The following RHBDL1 variants were observed in gnomAD, a reference collection of about 807,000 sequenced individuals.
RHBDL1 encodes the protein rhomboid-related protein 1.
In RHBDL1, 21 loss-of-function variants were observed where a neutral mutation model predicts 34.0. The ratio of observed to expected loss-of-function variants is 0.62; its 90% CI spans 0.44 to 0.89. RHBDL1 has a LOEUF of 0.89. Among genes scored for constraint, RHBDL1 ranks in the 40% least tolerant of loss-of-function variants. The pLI, the probability that RHBDL1 is intolerant of heterozygous loss-of-function variation, is 0.00. For synonymous variants in RHBDL1, 268 were observed against 234.8 expected, an observed-to-expected ratio of 1.14 and a Z score of -1.29; for missense variants, 450 against 530.6, an observed-to-expected ratio of 0.85 and a Z score of 1.49.
At position 677,954 on chromosome 16, in the gene RHBDL1, G is replaced by A. The variant is rs2039581546; in HGVS notation, c.1024G>A (p.Val342Met). The A allele has an allele frequency of 6.9e-6, 11 of 1,603,282 alleles. No homozygotes were observed. Among genetic ancestry groups the A allele is most frequent in the Admixed American group, 3.3e-5 (2 of 59,958 alleles). Residue 342 changes from valine to methionine, a missense_variant, in exon 8 of 8, where the codon GTG becomes ATG. By Grantham distance (21) the Val-to-Met change is conservative. Transcript: ENST00000352681. ...CCTGCGGGACCAGTGCGGCTGGTGG[G>A]TGGTGCTGCTGGCCTACGGCACCTT... Reference protein sequence around the residue: ...ERLRDQCGWWVVLLAYGTFLL... With the variant: ...ERLRDQCGWWMVLLAYGTFLL...
rs769059358 is a variant in RHBDL1 at position 676,736 on chromosome 16, G to C, written c.266G>C (p.Arg89Pro). The C allele has an allele frequency of 6.2e-7, 1 of 1,612,160 alleles. No individual in the cohort carries two copies. The highest frequency in any genetic ancestry group is 8.5e-7 in the Non-Finnish European group (1 of 1,179,866). Residue 89 changes from arginine (R) to proline (P), a missense_variant, in exon 3 of 8, where the codon CGG becomes CCG. Physicochemically the swap from Arg to Pro is moderately radical, Grantham distance 103. Transcript: ENST00000352681. The surrounding 1 kb of genome is among the most constrained non-coding windows in gnomAD (Gnocchi z 6.9). ...GCTAACGGACAGCGGGCACTGCCCC[G>C]GGACGGGCCGCTGGATGAGCCAGGC... ...AIANGQRALP[R>P]DGPLDEPGLG... is the part of the protein sequence containing the mutation.
rs372611788 is a variant in RHBDL1, at chr16:677,920, C to T, written c.990C>T (p.Tyr330=). Residue 330 remains tyrosine, a synonymous_variant, in exon 8 of 8, where the codon TAC becomes TAT. Coordinates refer to ENST00000352681, the MANE Select transcript of RHBDL1 (RefSeq NM_001278720.2). The part of the protein sequence containing the change: ...VSMGLTILRS[Y]EERLRDQCGW... ...TGGGCCTGACCATCCTGCGGAGCTACGAGGAGCGCCTGCGGGACCAGTGCG... is the reference window on the plus strand; with the variant it reads ...TGGGCCTGACCATCCTGCGGAGCTATGAGGAGCGCCTGCGGGACCAGTGCG... 1.9e-4 allele frequency: 304 copies of T among 1,603,466 alleles called. 2 individuals are homozygous for T. Among genetic ancestry groups the T allele is most frequent in the East Asian group, 2.7e-4 (12 of 44,828 alleles).
chr16:678,100 G>A lies in RHBDL1; in HGVS notation c.*48G>A, dbSNP rs377162070. ...GCCAGGGCTCGGGCATGTGGTGGCC[G>A]CCCACCAGGGGCCTTCACGTCTGCC... On this transcript the variant is annotated 3_prime_UTR_variant, in exon 8 of 8. Coordinates refer to ENST00000352681, the MANE Select transcript of RHBDL1 (RefSeq NM_001278720.2). The A allele has an allele frequency of 1.1e-4, 170 of 1,490,270 alleles. No individual in the cohort carries two copies. The highest frequency in any genetic ancestry group is 2.4e-4 in the South Asian group (18 of 74,628). 92.3% of individuals were successfully genotyped at this position (1,490,270 alleles called of 1,614,324 possible). A position where few individuals can be genotyped will look rare whatever the true frequency, so the allele number is the denominator to read the frequency against.
chr16:676,840 T>A lies in RHBDL1; in HGVS notation c.370T>A (p.Tyr124Asn), dbSNP rs1448973839. ...TGAGGTGGACCGCCGCTGGTACTTC[T>A]ACCGTCACCGCAGCTGCCCACCCCC... ...PCEVDRRWYF[Y>N]RHRSCPPPVF... The change falls in exon 3 of 8, where the codon TAC (tyrosine) becomes AAC (asparagine). Residue 124 changes from tyrosine (Y) to asparagine (N), a missense_variant. Tyr to Asn is a moderately radical substitution (Grantham distance 143). Coordinates refer to ENST00000352681, the MANE Select transcript of RHBDL1 (RefSeq NM_001278720.2). The surrounding 1 kb of genome is among the most constrained non-coding windows in gnomAD (Gnocchi z 6.9). 2 of 1,611,424 alleles carry A rather than the reference T, an allele frequency of 1.2e-6. No homozygotes were observed. Among genetic ancestry groups the A allele is most frequent in the Non-Finnish European group, 1.7e-6 (2 of 1,179,666 alleles).
Position 676,226 on chromosome 16 carries a change from C to T in RHBDL1, c.40-110C>T, listed in dbSNP as rs1596543364. 5.2e-6 allele frequency: 8 copies of T among 1,547,922 alleles called. No homozygotes were observed. In the South Asian group the frequency reaches 8.3e-5, roughly 16 times the overall value. ...GAACAGACAGGCACGGGGCCCCTGT[C>T]CCAAAAGTGCTGGGAGCCTGAGCCT... On this transcript the variant is annotated intron_variant, in intron 1 of 7. Transcript: ENST00000352681. The surrounding 1 kb of genome is among the most constrained non-coding windows in gnomAD (Gnocchi z 6.9).
chr16:676,918 C>G lies in RHBDL1; in HGVS notation c.426+22C>G. 1 of 1,611,598 alleles carries G rather than the reference C, an allele frequency of 6.2e-7. No individual in the cohort carries two copies. Among genetic ancestry groups the G allele is most frequent in the Non-Finnish European group, 8.5e-7 (1 of 1,179,196 alleles). On this transcript the variant is annotated intron_variant, in intron 3 of 7. Coordinates refer to ENST00000352681, the MANE Select transcript of RHBDL1 (RefSeq NM_001278720.2). This position sits in a 1 kb window ranked among gnomAD's most constrained non-coding sequence, Gnocchi z 6.9. ...CCAGGTGGGCCCCCCGGCCGCTGCC[C>G]CGGGAGCCTCCCGCGCTCCTGGCCA...
chr16:677,714 G>A lies in RHBDL1; in HGVS notation c.850+15G>A, dbSNP rs753818306. On this transcript the variant is annotated intron_variant, in intron 7 of 7. Transcript: ENST00000352681. Reference sequence around the variant, plus strand: ...CTTGGTGTGCAGTGAGTAGGGGCCGGGGGGAGGGCCGGGGGGCCTCTCAGC... The same window carrying A: ...CTTGGTGTGCAGTGAGTAGGGGCCGAGGGGAGGGCCGGGGGGCCTCTCAGC... 7 of 1,528,834 alleles carry A rather than the reference G, an allele frequency of 4.6e-6. No homozygotes were observed. The highest frequency in any genetic ancestry group is 2.6e-5 in the South Asian group (2 of 77,368). The allele number at this position is 1,528,834 out of a possible 1,614,324, so 94.7% of individuals were successfully genotyped here. A position where few individuals can be genotyped will look rare whatever the true frequency, so the allele number is the denominator to read the frequency against.
At chr16:677,609 T>C in intron 6 of RHBDL1, 30 bp from the exon 7 acceptor site, 1 of 1,602,982 alleles carries the variant, frequency 6.2e-7, no homozygotes, top group Non-Finnish European at 8.5e-7. Flanking sequence ...CAGGTGAGCC[T>C]CACCACTTCT....
Position 677,512 on chromosome 16 carries a change from G to A in RHBDL1, c.742G>A (p.Gly248Ser), listed in dbSNP as rs750322972. 3.1e-6 allele frequency: 5 copies of A among 1,609,456 alleles called. No individual in the cohort carries two copies. Among genetic ancestry groups the A allele is most frequent in the Non-Finnish European group, 2.5e-6 (3 of 1,179,712 alleles). ...GCGGGCCCCGGTGGTGGGAGGCTCC[G>A]GCGGGGTCTACGCCCTGTGCTCGGC... is the stretch of plus-strand genomic sequence containing the variant. ...DMRAPVVGGS[G>S]GVYALCSAHL... The change falls in exon 6 of 8, where the codon GGC (glycine) becomes AGC (serine). Residue 248 changes from glycine (G) to serine (S), a missense_variant. Coordinates refer to ENST00000352681, the MANE Select transcript of RHBDL1 (RefSeq NM_001278720.2).
In RHBDL1 at chr16:678,071, A is replaced by G. The variant is rs1464112702; in HGVS notation, c.*19A>G. ...GCCCTGACCGGCTACCTGAGGCTGCACAGGCCAGGGCTCGGGCATGTGGTG... is the reference window on the plus strand; with the variant it reads ...GCCCTGACCGGCTACCTGAGGCTGCGCAGGCCAGGGCTCGGGCATGTGGTG... On this transcript the variant is annotated 3_prime_UTR_variant, in exon 8 of 8. Transcript: ENST00000352681. 6.5e-7 allele frequency: 1 copy of G among 1,542,216 alleles called. No individual in the cohort carries two copies. The highest frequency in any genetic ancestry group is 8.7e-7 in the Non-Finnish European group (1 of 1,149,382).
chr16:677,194 T>C, intron 4 of RHBDL1, 75 bp downstream of exon 4: 2 of 1,572,310 alleles, frequency 1.3e-6, no homozygotes, highest in South Asian at 2.3e-5. Flanking sequence ...GCAAGGCAGG[T>C]GCGGCAACTT....
At position 678,225 on chromosome 16, in the gene RHBDL1, C is replaced by A. The variant is rs532655243; in HGVS notation, c.*173C>A. ...ACCCACCCCCCACTCCCAGGACTTG[C>A]GGTCTGAGCCTTTTTGGATAATTAA... On this transcript the variant is annotated 3_prime_UTR_variant, in exon 8 of 8. Coordinates refer to ENST00000352681, the MANE Select transcript of RHBDL1 (RefSeq NM_001278720.2). The A allele has an allele frequency of 3.6e-6, 5 of 1,371,634 alleles. No homozygotes were observed. The African/African-American group carries it at 7.5e-5, about 20-fold the overall frequency. The allele number at this position is 1,371,634 out of a possible 1,614,324, so 85.0% of individuals were successfully genotyped here. A position where few individuals can be genotyped will look rare whatever the true frequency, so the allele number is the denominator to read the frequency against.
At position 675,775 on chromosome 16, in the gene RHBDL1, C is replaced by A. The variant is rs748260424; in HGVS notation, c.-16C>A. ...CGCGGCCGCCGACCCCGGACCCCGG[C>A]CCCCGGCCAGGCTCTATGGACAGGA... is the stretch of plus-strand genomic sequence containing the variant. On this transcript the variant is annotated 5_prime_UTR_variant, in exon 1 of 8. Transcript: ENST00000352681. 2.6e-5 allele frequency: 38 copies of A among 1,457,380 alleles called. 1 individual carries two copies. The highest frequency in any genetic ancestry group is 8.0e-5 in the South Asian group (6 of 74,896). The allele number at this position is 1,457,380 out of a possible 1,614,324, so 90.3% of individuals were successfully genotyped here. A position where few individuals can be genotyped will look rare whatever the true frequency, so the allele number is the denominator to read the frequency against.
In RHBDL1 at chr16:677,977, CT is replaced by C; in HGVS notation, c.1049del (p.Phe350SerfsTer?). ...WWVVLLAYGT[F>X]LLFAVFWNVF... ...GGGTGGTGCTGCTGGCCTACGGCACCTTCCTGCTCTTCGCCGTCTTCTGGAA... is the reference window on the plus strand; with the variant it reads ...GGGTGGTGCTGCTGGCCTACGGCACCTCCTGCTCTTCGCCGTCTTCTGGAA... On this transcript the variant is annotated frameshift_variant, in exon 8 of 8. Transcript: ENST00000352681. LOFTEE classifies it high-confidence loss of function. 1 of 1,601,614 alleles carries C rather than the reference CT, an allele frequency of 6.2e-7. No individual in the cohort carries two copies.
In RHBDL1 at chr16:676,846, C is replaced by T. The variant is rs866034097; in HGVS notation, c.376C>T (p.His126Tyr). ...EVDRRWYFYR[H>Y]RSCPPPVFMA... Reference sequence around the variant, plus strand: ...GGACCGCCGCTGGTACTTCTACCGTCACCGCAGCTGCCCACCCCCCGTGTT... The same window carrying T: ...GGACCGCCGCTGGTACTTCTACCGTTACCGCAGCTGCCCACCCCCCGTGTT... The change falls in exon 3 of 8, where the codon CAC becomes TAC. Residue 126 changes from histidine to tyrosine, a missense_variant. His to Tyr is a moderately conservative substitution (Grantham distance 83). Coordinates refer to ENST00000352681, the MANE Select transcript of RHBDL1 (RefSeq NM_001278720.2). This position sits in a 1 kb window ranked among gnomAD's most constrained non-coding sequence, Gnocchi z 6.9. 1.9e-6 allele frequency: 3 copies of T among 1,612,148 alleles called. No individual in the cohort carries two copies. Among genetic ancestry groups the T allele is most frequent in the Non-Finnish European group, 8.5e-7 (1 of 1,179,778 alleles).
At chr16:677,149 G>T (rs764229992) in intron 4 of RHBDL1, 30 bp downstream of exon 4, 5 of 1,581,348 alleles carry the variant, frequency 3.2e-6, no homozygotes, top group Admixed American at 1.7e-5. Context: ...GGTGAGCCCC[G>T]CCCCAACCTG....
At position 676,345 on chromosome 16, in the gene RHBDL1, C is replaced by G. The variant is rs1292505739; in HGVS notation, c.49C>G (p.Pro17Ala). 6.2e-7 allele frequency: 1 copy of G among 1,610,352 alleles called. No individual in the cohort carries two copies. Residue 17 changes from proline to alanine, a missense_variant, in exon 2 of 8, where the codon CCC becomes GCC. Physicochemically the swap from Pro to Ala is conservative, Grantham distance 27. Coordinates refer to ENST00000352681, the MANE Select transcript of RHBDL1 (RefSeq NM_001278720.2). This position sits in a 1 kb window ranked among gnomAD's most constrained non-coding sequence, Gnocchi z 6.9. ...LQLIQEQQLD[P>A]ENTGFIGADT... ...CGGCTCCTCACTGCAGCAGCTGGAC[C>G]CCGAGAACACAGGCTTCATCGGTGC...
chr16:677,557 A>T lies in RHBDL1; in HGVS notation c.787A>T (p.Met263Leu). 3.7e-6 allele frequency: 6 copies of T among 1,610,076 alleles called. No homozygotes were observed. The highest frequency in any genetic ancestry group is 5.1e-6 in the Non-Finnish European group (6 of 1,179,100). The change falls in exon 6 of 8, where the codon ATG becomes TTG. Residue 263 changes from methionine (M) to leucine (L), a missense_variant and splice_region_variant. Met to Leu is a conservative substitution (Grantham distance 15, BLOSUM62 2). Transcript: ENST00000352681. ...CTCGGCACACCTGGCCAACGTTGTC[A>T]TGGTAACGGGCCTGCCCGGTGGGGG... ...LCSAHLANVV[M>L]NWAGMRCPYK... is the part of the protein sequence containing the mutation.
In RHBDL1 at chr16:676,724, G is replaced by A. The variant is rs776122017; in HGVS notation, c.254G>A (p.Arg85Gln). 3.5e-5 allele frequency: 57 copies of A among 1,612,056 alleles called. 1 individual carries two copies. Among genetic ancestry groups the A allele is most frequent in the African/African-American group, 5.4e-5 (4 of 74,736 alleles). ...AAGCGGGCCATTGCTAACGGACAGC[G>A]GGCACTGCCCCGGGACGGGCCGCTG... ...SFKRAIANGQ[R>Q]ALPRDGPLDE... Residue 85 changes from arginine to glutamine, a missense_variant, in exon 3 of 8, where the codon CGG becomes CAG. Coordinates refer to ENST00000352681, the MANE Select transcript of RHBDL1 (RefSeq NM_001278720.2). This position sits in a 1 kb window ranked among gnomAD's most constrained non-coding sequence, Gnocchi z 6.9.
Sources: allele counts gnomAD v4.1 joint callset, GRCh38; gene constraint gnomAD v4.1.1; non-coding constraint Gnocchi (gnomAD v3.1); transcripts MANE v1.5; gene names NCBI Gene and HGNC (gene_info 2026-07-23, HGNC 2026-07-21).